Variants in MOV10L1 observed in about 807,000 individuals in gnomAD.
The protein encoded by MOV10L1 is Mov10 like RNA helicase 1.
MOV10L1 carries 110 observed loss-of-function variants against 143.8 expected under a neutral mutation model. That is an observed-to-expected ratio of 0.76 (90% CI 0.66 to 0.90). The LOEUF (loss-of-function observed/expected upper bound fraction) is 0.90, where lower values mean the gene tolerates loss of function less well. Among genes scored for constraint, MOV10L1 ranks in the 40% least tolerant of loss-of-function variants. The pLI, the probability that MOV10L1 is intolerant of heterozygous loss-of-function variation, is 0.00. For synonymous variants in MOV10L1, 593 were observed against 581.1 expected (o/e 1.02, Z -0.29); for missense variants, 1,406 against 1,526.8 (o/e 0.92, Z 1.32).
intron 2 of MOV10L1, chr22:50,093,347 A>C (rs2062503137): frequency 6.6e-6 from 1 of 152,188 alleles, no homozygotes; most frequent in Non-Finnish European, 1.5e-5. Context: ...TATTTTCCCC[A>C]GGATCATCTT....
intron 20 of MOV10L1, among the ~76,000 whole-genome samples, chr22:50,150,393 GT>G (rs578115506): frequency 6.6e-6 from 1 of 152,316 alleles, no homozygotes; most frequent in Non-Finnish European, 1.5e-5. Flanking sequence ...CAAGGGGCAG[GT>G]GGGATGGCGG....
At chr22:50,142,316 G>A in intron 16 of MOV10L1, 127 bp downstream of exon 16, 2 of 622,454 alleles carry the variant, frequency 3.2e-6, no homozygotes, top group Non-Finnish European at 5.3e-6. Flanking sequence ...GTGACAGGCG[G>A]CTGCCGTCTC....
chr22:50,097,669 TTTGAAA>T (rs2062623133), intron 2 of MOV10L1, among the ~76,000 whole-genome samples: 1 of 152,226 alleles, frequency 6.6e-6, no homozygotes, highest in South Asian at 2.1e-4. Flanking sequence ...TGTAGGAAGT[TTTGAAA>T]TCAGGAGGTA....
chr22:50,111,486 CTTTTTTTTTTTTT>C (rs529438045), intron 5 of MOV10L1, among the ~76,000 whole-genome samples: 8 of 59,156 alleles, frequency 1.4e-4, no homozygotes, highest in Non-Finnish European at 1.3e-4. Flanking sequence ...TCTGTCTTTG[CTTTTTTTTTTTTT>C]TTTTTTTTTT....
chr22:50,119,923 G>C (rs1166533363), intron 9 of MOV10L1, among the ~76,000 whole-genome samples: 2 of 151,970 alleles, frequency 1.3e-5, no homozygotes, highest in African/African-American at 4.8e-5. Flanking sequence ...TCGTTTCCCT[G>C]TTCTCTCCTG....
chr22:50,137,474 G>A (rs927198795), intron 15 of MOV10L1, among the ~76,000 whole-genome samples: 3 of 152,092 alleles, frequency 2.0e-5, no homozygotes, highest in African/African-American at 7.2e-5. Context: ...AACAGAGGCG[G>A]AGGCTGCAGT....
chr22:50,145,595 C>T (rs987745457), intron 18 of MOV10L1, 94 bp from the exon 19 acceptor site: 14 of 1,491,574 alleles, frequency 9.4e-6, no homozygotes, highest in African/African-American at 8.3e-5. Flanking sequence ...ATGACTTAGA[C>T]GTAACTAAGA....
intron 2 of MOV10L1, among the ~76,000 whole-genome samples, chr22:50,098,106 G>A (rs2062635974): frequency 6.6e-6 from 1 of 151,306 alleles, no homozygotes; most frequent in African/African-American, 2.4e-5. Flanking sequence ...CAAAGTGCTG[G>A]AATTACAGGC....
chr22:50,134,510 AC>A lies in MOV10L1; in HGVS notation c.1970-18del. ...GCTTTTTAGTTATACCCGTGCTCTTACCATTTTTTGTTTTAAAAGTGTTGTT... is the reference window on the plus strand; with the variant it reads ...GCTTTTTAGTTATACCCGTGCTCTTACATTTTTTGTTTTAAAAGTGTTGTT... On this transcript the variant is annotated intron_variant, in intron 14 of 26. Transcript: ENST00000262794. 6.2e-7 allele frequency: 1 copy of A among 1,606,472 alleles called. No homozygotes were observed. Among genetic ancestry groups the A allele is most frequent in the Non-Finnish European group, 8.5e-7 (1 of 1,173,096 alleles).
rs1180596464 is a variant in MOV10L1, at chr22:50,102,086, C to T, written c.442+2484C>T. On this transcript the variant is annotated intron_variant, in intron 3 of 26. Transcript: ENST00000262794. ...TGAGTAATAAAGATGGGCAGGGATC[C>T]GGAGCCCAGGCCAAGGGATTTCCCA... 3.3e-5 allele frequency among the ~76,000 whole-genome samples: 5 copies of T among 152,230 alleles called. No homozygotes were observed. In the South Asian group the frequency reaches 1.0e-3, roughly 32 times the overall value.
chr22:50,115,211 G>A lies in MOV10L1; in HGVS notation c.1224G>A (p.Gly408=). ...AGCCTGGGGGGCTTGTCCCTCCAGG[G>A]GGAAAAACCTTCATTGTGGTCATCT... The part of the protein sequence containing the change: ...EPEPGGLVPP[G]GKTFIVVICD... Residue 408 remains glycine (G), a synonymous_variant, in exon 8 of 27, where the codon GGG becomes GGA. Coordinates refer to ENST00000262794, the MANE Select transcript of MOV10L1 (RefSeq NM_018995.3). 1.3e-6 allele frequency: 2 copies of A among 1,542,458 alleles called. No homozygotes were observed. The highest frequency in any genetic ancestry group is 1.3e-5 in the South Asian group (1 of 78,750).
intron 1 of MOV10L1, chr22:50,090,807 G>A (rs2062415284): frequency 2.8e-6 from 1 of 362,888 alleles, no homozygotes. Context: ...CTCCCGAGCA[G>A]CGGGGATTAT....
At chr22:50,090,514 T>C in intron 1 of MOV10L1, 1 of 1,607,238 alleles carries the variant, frequency 6.2e-7, no homozygotes, top group Non-Finnish European at 8.5e-7. Flanking sequence ...TTGGCGGTGG[T>C]GTGTCTAGAA....
At chr22:50,109,436 G>A (rs1328204662) in intron 5 of MOV10L1, among the ~76,000 whole-genome samples, 1 of 152,070 alleles carries the variant, frequency 6.6e-6, no homozygotes, top group Non-Finnish European at 1.5e-5. Context: ...CTGGGAGGCC[G>A]AGGCGGGTGA....
rs1314691029 is a variant in MOV10L1 at position 50,134,003 on chromosome 22, G to GC, written c.1911-3dup. 4.3e-6 allele frequency: 7 copies of GC among 1,609,984 alleles called. No individual in the cohort carries two copies. The highest frequency in any genetic ancestry group is 5.9e-6 in the Non-Finnish European group (7 of 1,179,006). ...GTTATTTTATGTGGTTTTCTTTCCT[G>GC]CAGGACCACAAGCAGACGGTGTCAC... is the stretch of plus-strand genomic sequence containing the variant. On this transcript the variant is annotated splice_region_variant and splice_polypyrimidine_tract_variant and intron_variant, in intron 13 of 26. Coordinates refer to ENST00000262794, the MANE Select transcript of MOV10L1 (RefSeq NM_018995.3).
intron 8 of MOV10L1, 48 bp from the exon 9 acceptor site, chr22:50,117,109 C>A: frequency 6.5e-7 from 1 of 1,544,818 alleles, no homozygotes; most frequent in Non-Finnish European, 8.8e-7. Flanking sequence ...GTGTTGACTG[C>A]CTATCTTATT....
At chr22:50,148,109 A>C (rs983251986) in intron 19 of MOV10L1, among the ~76,000 whole-genome samples, 2 of 152,246 alleles carry the variant, frequency 1.3e-5, no homozygotes, top group African/African-American at 4.8e-5. Context: ...ATCAGCAGTG[A>C]GAAGGGTAAA....
rs1275102250 is a variant in MOV10L1 at position 50,152,328 on chromosome 22, G to A, written c.2893-717G>A. On this transcript the variant is annotated intron_variant, in intron 21 of 26. Coordinates refer to ENST00000262794, the MANE Select transcript of MOV10L1 (RefSeq NM_018995.3). This position sits in a 1 kb window ranked among gnomAD's most constrained non-coding sequence, Gnocchi z 4.4. ...CGGCACAGACGCAGCGAGTCCTCAT[G>A]CCAATACATGGGTCACGTGATGAGC... 6.6e-6 allele frequency among the ~76,000 whole-genome samples: 1 copy of A among 152,340 alleles called. No homozygotes were observed. Among genetic ancestry groups the A allele is most frequent in the East Asian group, 1.9e-4 (1 of 5,188 alleles).
intron 1 of MOV10L1, chr22:50,090,635 A>G: frequency 8.3e-7 from 1 of 1,208,672 alleles, no homozygotes; most frequent in Non-Finnish European, 1.2e-6. Flanking sequence ...AAAGCCCGGG[A>G]TGCGCCCGGA....
Sources: allele counts gnomAD v4.1 joint callset (sites outside exome capture counted in the v4.1 genomes callset), GRCh38; gene constraint gnomAD v4.1.1; non-coding constraint Gnocchi (gnomAD v3.1); transcripts MANE v1.5; gene names NCBI Gene and HGNC (gene_info 2026-07-23, HGNC 2026-07-21).